Variants in ZNF804B observed in about 807,000 individuals in gnomAD.
ZNF804B encodes zinc finger 804B.
ZNF804B carries 80 observed loss-of-function variants against 101.4 expected under a neutral mutation model. That is an observed-to-expected ratio of 0.79 (90% CI 0.66 to 0.95). The LOEUF (loss-of-function observed/expected upper bound fraction) is 0.95. ZNF804B is among the 40% of genes least tolerant of loss of function. The pLI is 0.00. For missense variants in ZNF804B, 1,673 were observed against 1,561.9 expected, an observed-to-expected ratio of 1.07 and a Z score of -1.20; for synonymous variants, 622 against 558.8, an observed-to-expected ratio of 1.11 and a Z score of -1.59.
intron 1 of ZNF804B, among the ~76,000 whole-genome samples, chr7:89,197,883 A>T (rs1324952616): frequency 6.6e-6 from 1 of 151,852 alleles, no homozygotes; most frequent in East Asian, 1.9e-4. Flanking sequence ...TATGTGAATA[A>T]ATTATTCTTC....
At chr7:89,056,178 A>G (rs1166524474) in intron 1 of ZNF804B, among the ~76,000 whole-genome samples, 1 of 151,980 alleles carries the variant, frequency 6.6e-6, no homozygotes, top group Non-Finnish European at 1.5e-5. Context: ...AACAAAAGGG[A>G]TGGATAAGTG....
At chr7:89,164,410 A>G (rs1384097846) in intron 1 of ZNF804B, among the ~76,000 whole-genome samples, 5 of 152,052 alleles carry the variant, frequency 3.3e-5, no homozygotes, top group African/African-American at 1.2e-4. Context: ...CAGTAAATAA[A>G]CTTAGGTGGA....
chr7:89,066,926 T>C (rs1266498306), intron 1 of ZNF804B, among the ~76,000 whole-genome samples: 1 of 151,934 alleles, frequency 6.6e-6, no homozygotes, highest in African/African-American at 2.4e-5. Flanking sequence ...TTTGTGGTAT[T>C]TGTCAATTTC....
chr7:88,985,965 A>G (rs1793754814), intron 1 of ZNF804B, among the ~76,000 whole-genome samples: 1 of 152,148 alleles, frequency 6.6e-6, no homozygotes, highest in Admixed American at 6.6e-5. Flanking sequence ...TTTCAAAATG[A>G]TTCGTCACAT....
intron 1 of ZNF804B, among the ~76,000 whole-genome samples, chr7:89,143,196 T>A (rs1037961458): frequency 6.6e-6 from 1 of 151,970 alleles, no homozygotes; most frequent in African/African-American, 2.4e-5. Context: ...AAGCCACATG[T>A]AAATTTTATT....
intron 1 of ZNF804B, among the ~76,000 whole-genome samples, chr7:89,073,722 G>A (rs1393845389): frequency 6.6e-6 from 1 of 152,064 alleles, no homozygotes; most frequent in Non-Finnish European, 1.5e-5. Context: ...TATGAGTTAT[G>A]TGGAACTCAT....
chr7:88,888,787 G>A (rs1469671645), intron 1 of ZNF804B, among the ~76,000 whole-genome samples: 1 of 151,530 alleles, frequency 6.6e-6, no homozygotes, highest in Non-Finnish European at 1.5e-5. Flanking sequence ...GTTTTGTTTT[G>A]TTTTTTTAAC....
chr7:88,990,935 G>A (rs964870462), intron 1 of ZNF804B, among the ~76,000 whole-genome samples: 2 of 151,738 alleles, frequency 1.3e-5, no homozygotes, highest in African/African-American at 4.8e-5. Context: ...TTAACATTTT[G>A]TTCTTTGGTC....
chr7:89,138,812 C>T (rs1394065184), intron 1 of ZNF804B, among the ~76,000 whole-genome samples: 5 of 152,050 alleles, frequency 3.3e-5, no homozygotes, highest in Non-Finnish European at 7.4e-5. Context: ...CACAAGCTCT[C>T]TTTTTTTGCC....
At chr7:89,074,901 G>A (rs1789593086) in intron 1 of ZNF804B, among the ~76,000 whole-genome samples, 1 of 152,184 alleles carries the variant, frequency 6.6e-6, no homozygotes, top group African/African-American at 2.4e-5. Context: ...GTTGGGAACT[G>A]GAGCAAAGGT....
chr7:89,122,183 A>G (rs1790417167), intron 1 of ZNF804B, among the ~76,000 whole-genome samples: 1 of 152,150 alleles, frequency 6.6e-6, no homozygotes, highest in Non-Finnish European at 1.5e-5. Flanking sequence ...AGCTACTTAT[A>G]CTAAACTTAA....
intron 1 of ZNF804B, among the ~76,000 whole-genome samples, chr7:89,117,986 A>C (rs1303828743): frequency 6.6e-6 from 1 of 152,166 alleles, no homozygotes; most frequent in Non-Finnish European, 1.5e-5. Flanking sequence ...TGTAGGCTTG[A>C]CATACAAAAG....
intron 1 of ZNF804B, among the ~76,000 whole-genome samples, chr7:88,914,720 T>C (rs1467330910): frequency 6.6e-6 from 1 of 152,214 alleles, no homozygotes; most frequent in East Asian, 1.9e-4. Context: ...AACAGTACAT[T>C]TTGGAAATTA....
At chr7:88,891,707 CTTTG>C (rs1328707964) in intron 1 of ZNF804B, among the ~76,000 whole-genome samples, 2 of 149,534 alleles carry the variant, frequency 1.3e-5, no homozygotes, top group African/African-American at 4.9e-5. Flanking sequence ...CTCTACTAGT[CTTTG>C]TTTTGTTTTG....
chr7:88,921,695 C>A (rs755511338), intron 1 of ZNF804B, among the ~76,000 whole-genome samples: 43 of 151,976 alleles, frequency 2.8e-4, no homozygotes, highest in Non-Finnish European at 6.0e-4. Flanking sequence ...GGTTAACCTG[C>A]TTTCTTTCAT....
chr7:89,255,870 G>A (rs970442977), intron 2 of ZNF804B, among the ~76,000 whole-genome samples: 9 of 152,018 alleles, frequency 5.9e-5, no homozygotes, highest in Non-Finnish European at 1.0e-4. Flanking sequence ...TCATAAAAGT[G>A]AGTAAAAGAT....
chr7:89,253,454 GA>G (rs1377692972), intron 2 of ZNF804B, among the ~76,000 whole-genome samples: 1 of 151,998 alleles, frequency 6.6e-6, no homozygotes, highest in Non-Finnish European at 1.5e-5. Context: ...AGAGTATTAG[GA>G]AAAACTTTAT....
rs550429327 is a variant in ZNF804B, at chr7:89,316,847, T to C, written c.250-10497T>C. On this transcript the variant is annotated intron_variant, in intron 2 of 3. Coordinates refer to ENST00000333190, the MANE Select transcript of ZNF804B (RefSeq NM_181646.5). ...GCACGGAGGCATGAAAAAGACCCTT[T>C]GTACTGCAAACAGGAGAAGTCTGCC... Among the ~76,000 whole-genome samples the C allele has an allele frequency of 2.0e-5, 3 of 149,606 alleles. No individual in the cohort carries two copies. In the East Asian group the frequency reaches 5.8e-4, roughly 29 times the overall value.
At chr7:88,853,061 C>T (rs1791469470) in intron 1 of ZNF804B, among the ~76,000 whole-genome samples, 1 of 152,074 alleles carries the variant, frequency 6.6e-6, no homozygotes, top group Non-Finnish European at 1.5e-5. Context: ...CTAGCTCAAA[C>T]TAAGGAGGAA....
Sources: allele counts gnomAD v4.1 joint callset (sites outside exome capture counted in the v4.1 genomes callset), GRCh38; gene constraint gnomAD v4.1.1; transcripts MANE v1.5; gene names NCBI Gene and HGNC (gene_info 2026-07-23, HGNC 2026-07-21).